The following IGF2R variants were observed in gnomAD, a reference collection of about 807,000 sequenced individuals.
The protein encoded by IGF2R is cation-independent mannose-6-phosphate receptor.
A neutral mutation model predicts 270.6 loss-of-function variants in IGF2R; 91 were observed. The observed-to-expected ratio is 0.34, with a 90% confidence interval of 0.28 to 0.40. IGF2R has a LOEUF of 0.40. Among genes scored for constraint, IGF2R ranks in the 10% least tolerant of loss-of-function variants. The pLI, the probability that IGF2R is intolerant of heterozygous loss-of-function variation, is 1.00. For missense variants in IGF2R, 2,805 were observed against 3,188.3 expected, an observed-to-expected ratio of 0.88 and a Z score of 2.90; for synonymous variants, 1,316 against 1,258.9, an observed-to-expected ratio of 1.05 and a Z score of -0.96.
At chr6:160,031,696 C>G (rs1382158638) in intron 7 of IGF2R, among the ~76,000 whole-genome samples, 1 of 152,192 alleles carries the variant, frequency 6.6e-6, no homozygotes, top group Non-Finnish European at 1.5e-5. Flanking sequence ...AGGGTTGGGC[C>G]TGCAGCTCTG....
intron 1 of IGF2R, among the ~76,000 whole-genome samples, chr6:159,970,113 G>A (rs1783587569): frequency 6.6e-6 from 1 of 152,046 alleles, no homozygotes; most frequent in African/African-American, 2.4e-5. Context: ...TATTCTAGTG[G>A]ATCTTGCTCT....
At chr6:160,038,944 G>C (rs1385667680) in intron 10 of IGF2R, among the ~76,000 whole-genome samples, 1 of 152,200 alleles carries the variant, frequency 6.6e-6, no homozygotes, top group East Asian at 1.9e-4. Context: ...ATTCCCAGCT[G>C]CCCTAGTTTT....
chr6:160,018,441 G>A (rs1248440743), intron 4 of IGF2R, among the ~76,000 whole-genome samples: 1 of 151,630 alleles, frequency 6.6e-6, no homozygotes, highest in Non-Finnish European at 1.5e-5. Context: ...CAACAAACAC[G>A]GCACATAAAT....
intron 2 of IGF2R, among the ~76,000 whole-genome samples, chr6:159,993,890 T>C (rs947002041): frequency 5.3e-5 from 8 of 152,092 alleles, no homozygotes; most frequent in African/African-American, 1.9e-4. Flanking sequence ...GATATTGGCC[T>C]ATAGTTTTCC....
intron 11 of IGF2R, among the ~76,000 whole-genome samples, chr6:160,042,285 T>C (rs1265501085): frequency 6.6e-6 from 1 of 152,190 alleles, no homozygotes; most frequent in Non-Finnish European, 1.5e-5. Context: ...TCTTGTATGG[T>C]TTCTTTTAGG....
In IGF2R at chr6:160,009,148, G is replaced by C; in HGVS notation, c.414+14G>C. 2 of 1,603,832 alleles carry C rather than the reference G, an allele frequency of 1.2e-6. No individual in the cohort carries two copies. The highest frequency in any genetic ancestry group is 1.7e-6 in the Non-Finnish European group (2 of 1,176,118). On this transcript the variant is annotated intron_variant, in intron 3 of 47. Coordinates refer to ENST00000356956, the MANE Select transcript of IGF2R (RefSeq NM_000876.4). ...GGGAAAACCCTGGTGAGTCCACACA[G>C]GCACTTGATGTATTTCTTTAAAAAA...
rs578209154 is a variant in IGF2R, at chr6:160,106,441, A to G, written c.*1357A>G. The G allele has an allele frequency of 6.6e-6, 1 of 152,536 alleles. No individual in the cohort carries two copies. The highest frequency in any genetic ancestry group is 1.9e-4 in the East Asian group (1 of 5,182). 9.4% of individuals were successfully genotyped at this position (152,536 alleles called of 1,614,324 possible). ...TGTACCGGTTTGGCTGGCTTGTTTG[A>G]TTTCAACATGAGTGTATTTTTTAAA... On this transcript the variant is annotated 3_prime_UTR_variant, in exon 48 of 48. Transcript: ENST00000356956.
chr6:159,985,516 G>A lies in IGF2R; in HGVS notation c.150-5668G>A, dbSNP rs150595647. Among the ~76,000 whole-genome samples the A allele has an allele frequency of 6.5e-3, 996 of 152,328 alleles. 5 individuals are homozygous for A. The highest frequency in any genetic ancestry group is 0.011 in the Non-Finnish European group (716 of 68,034). On this transcript the variant is annotated intron_variant, in intron 1 of 47. Transcript: ENST00000356956. ...GTGGGTGAGAGCCGTGCTGTCATGC[G>A]TTCTTAGCCACTGGCCAGTTTCCTT...
intron 3 of IGF2R, 129 bp downstream of exon 3, chr6:160,009,263 A>G (rs1156643961): frequency 8.5e-6 from 6 of 708,710 alleles, no homozygotes; most frequent in Non-Finnish European, 1.3e-5. Flanking sequence ...GAAAAACCCT[A>G]CCAAATGACC....
intron 39 of IGF2R, 37 bp from the exon 40 acceptor site, chr6:160,083,913 C>G: frequency 7.3e-7 from 1 of 1,374,472 alleles, no homozygotes; most frequent in Non-Finnish European, 1.0e-6. Context: ...GACACAGTGA[C>G]AGTCTGATCT....
chr6:159,996,688 C>G (rs1458159642), intron 2 of IGF2R, among the ~76,000 whole-genome samples: 1 of 152,184 alleles, frequency 6.6e-6, no homozygotes, highest in African/African-American at 2.4e-5. Flanking sequence ...CGCTGTCTGT[C>G]TCAGGCTGCA....
chr6:160,003,960 GA>G (rs1784171522), intron 2 of IGF2R: 3 of 152,146 alleles, frequency 2.0e-5, no homozygotes, highest in Non-Finnish European at 4.4e-5. Context: ...CTCTCTGGGG[GA>G]ACAGCCAGTT....
intron 1 of IGF2R, among the ~76,000 whole-genome samples, chr6:159,989,453 A>G (rs1012664973): frequency 1.2e-4 from 18 of 152,180 alleles, no homozygotes; most frequent in Admixed American, 3.3e-4. Flanking sequence ...TGAATAACAC[A>G]GTTATGTAGA....
chr6:160,047,901 T>C lies in IGF2R; in HGVS notation c.2339T>C (p.Leu780Pro). Residue 780 changes from leucine (L) to proline (P), a missense_variant, in exon 17 of 48, where the codon CTC (leucine) becomes CCC (proline). Physicochemically the swap from Leu to Pro is moderately conservative, Grantham distance 98 (BLOSUM62 -3). Coordinates refer to ENST00000356956, the MANE Select transcript of IGF2R (RefSeq NM_000876.4). ...CCCTCCACGCTGGAGCAGTACGACCTCTCCAGGTGAGGCAGAGTCAGCTGC... is the reference window on the plus strand; with the variant it reads ...CCCTCCACGCTGGAGCAGTACGACCCCTCCAGGTGAGGCAGAGTCAGCTGC... Reference protein sequence around the residue: ...TDPSTLEQYDLSSLAKSEGGL... With the variant: ...TDPSTLEQYDPSSLAKSEGGL... 1 of 1,602,522 alleles carries C rather than the reference T, an allele frequency of 6.2e-7. No individual in the cohort carries two copies. The highest frequency in any genetic ancestry group is 8.6e-7 in the Non-Finnish European group (1 of 1,169,446).
Position 160,004,873 on chromosome 6 carries a change from G to C in IGF2R, c.290-4137G>C, listed in dbSNP as rs550896254. ...TGCTGGAGAGAGTGGACTGCACTGC[G>C]ACGAGACAGGAGGAAAGGTCAAACC... On this transcript the variant is annotated intron_variant, in intron 2 of 47. Transcript: ENST00000356956. The surrounding 1 kb of genome is among the most constrained non-coding windows in gnomAD (Gnocchi z 5.2). 2 of 152,208 alleles carry C rather than the reference G, an allele frequency of 1.3e-5. No individual in the cohort carries two copies. Among genetic ancestry groups the C allele is most frequent in the East Asian group, 1.9e-4 (1 of 5,180 alleles). The allele number at this position is 152,208 out of a possible 1,614,324, so 9.4% of individuals were successfully genotyped here.
intron 2 of IGF2R, among the ~76,000 whole-genome samples, chr6:160,008,632 G>A (rs944678763): frequency 1.3e-5 from 2 of 152,168 alleles, no homozygotes; most frequent in Non-Finnish European, 2.9e-5. Context: ...TCACACTGGT[G>A]CAAGATGGAT....
At chr6:159,993,738 G>C (rs1784011587) in intron 2 of IGF2R, among the ~76,000 whole-genome samples, 1 of 152,056 alleles carries the variant, frequency 6.6e-6, no homozygotes, top group Admixed American at 6.6e-5. Flanking sequence ...TGAATTTTAG[G>C]ATTGTTTTTC....
intron 27 of IGF2R, among the ~76,000 whole-genome samples, 166 bp downstream of exon 27, chr6:160,063,796 A>G (rs1270636775): frequency 2.0e-5 from 3 of 152,104 alleles, no homozygotes; most frequent in Non-Finnish European, 2.9e-5. Flanking sequence ...ATTTTCTTAA[A>G]CAGAGTACAT....
chr6:159,971,948 T>C (rs959163060), intron 1 of IGF2R, among the ~76,000 whole-genome samples: 1 of 152,204 alleles, frequency 6.6e-6, no homozygotes, highest in Non-Finnish European at 1.5e-5. Context: ...TGAGGCACCA[T>C]GCTGGGTTTA....
Sources: allele counts gnomAD v4.1 joint callset (sites outside exome capture counted in the v4.1 genomes callset), GRCh38; gene constraint gnomAD v4.1.1; non-coding constraint Gnocchi (gnomAD v3.1); transcripts MANE v1.5; gene names NCBI Gene and HGNC (gene_info 2026-07-23, HGNC 2026-07-21).